TAOK3: variants seen among roughly 807,000 people sequenced by gnomAD.
TAOK3 encodes the protein TAO kinase 3, also known as serine/threonine-protein kinase TAO3.
Under a neutral mutation model 120.4 loss-of-function variants are expected in TAOK3, and 40 were observed. That is an observed-to-expected ratio of 0.33 (90% CI 0.26 to 0.43). The LOEUF is 0.43. Among genes scored for constraint, TAOK3 ranks in the 20% least tolerant of loss-of-function variants. The probability of loss-of-function intolerance (pLI) is 1.00; values close to 1 mark genes in which losing one functional copy is unlikely to be tolerated. For synonymous variants in TAOK3, 355 were observed against 387.5 expected (o/e 0.92, Z 0.99); for missense variants, 821 against 1,112.1 (o/e 0.74, Z 3.72).
chr12:118,276,014 G>T (rs958602141), intron 1 of TAOK3, among the ~76,000 whole-genome samples: 1 of 152,174 alleles, frequency 6.6e-6, no homozygotes, highest in African/African-American at 2.4e-5. Flanking sequence ...GATGTAGTAG[G>T]AGAAGAGATA....
chr12:118,195,450 T>A (rs1403477597), intron 13 of TAOK3, among the ~76,000 whole-genome samples: 1 of 152,156 alleles, frequency 6.6e-6, no homozygotes, highest in Non-Finnish European at 1.5e-5. Context: ...AAGGAAACAA[T>A]CTGGATTAAA....
At chr12:118,270,560 A>G (rs555997456) in intron 1 of TAOK3, among the ~76,000 whole-genome samples, 4 of 151,718 alleles carry the variant, frequency 2.6e-5, no homozygotes, top group African/African-American at 9.7e-5. Flanking sequence ...ATTCAGTTAC[A>G]TTTGTATATA....
At chr12:118,329,480 G>T (rs1292065187) in intron 1 of TAOK3, among the ~76,000 whole-genome samples, 1 of 152,052 alleles carries the variant, frequency 6.6e-6, no homozygotes, top group Non-Finnish European at 1.5e-5. Flanking sequence ...TGGAGAAAAG[G>T]AATAATTTAT....
At chr12:118,210,470 A>C (rs1187829291) in intron 11 of TAOK3, among the ~76,000 whole-genome samples, 2 of 152,108 alleles carry the variant, frequency 1.3e-5, no homozygotes, top group Non-Finnish European at 2.9e-5. Context: ...TTTCCACCCC[A>C]AAATAAACTT....
Position 118,372,447 on chromosome 12 carries a change from C to T in TAOK3, c.-194+201G>A, listed in dbSNP as rs2045929451. 6.6e-6 allele frequency among the ~76,000 whole-genome samples: 1 copy of T among 151,500 alleles called. No homozygotes were observed. Among genetic ancestry groups the T allele is most frequent in the African/African-American group, 2.4e-5 (1 of 41,198 alleles). The stretch of plus-strand genomic sequence containing the variant: ...CTCCCCTCAGACTTTCAGTCTTGGA[C>T]CCTCTCGGAGTCCTCTCCACTCAGA... On this transcript the variant is annotated intron_variant, in intron 1 of 20. Transcript: ENST00000392533. The surrounding 1 kb of genome is among the most constrained non-coding windows in gnomAD (Gnocchi z 4.6).
At chr12:118,270,760 C>A (rs906951273) in intron 1 of TAOK3, among the ~76,000 whole-genome samples, 8 of 151,432 alleles carry the variant, frequency 5.3e-5, no homozygotes, top group Non-Finnish European at 7.4e-5. Context: ...CTGCAAGCTC[C>A]GCCTCCCGGG....
At chr12:118,257,624 A>G (rs1172283387) in intron 2 of TAOK3, among the ~76,000 whole-genome samples, 1 of 152,038 alleles carries the variant, frequency 6.6e-6, no homozygotes, top group South Asian at 2.1e-4. Context: ...CAATAAAACT[A>G]TTTTTCAAAA....
At chr12:118,246,385 C>T in intron 3 of TAOK3, 1 of 1,580,360 alleles carries the variant, frequency 6.3e-7, no homozygotes, top group Non-Finnish European at 8.6e-7. Context: ...CTGGGGGCCT[C>T]TCTCAAGGAT....
At chr12:118,335,471 G>C (rs60917706) in intron 1 of TAOK3, among the ~76,000 whole-genome samples, 214 of 152,172 alleles carry the variant, frequency 1.4e-3, no homozygotes, top group African/African-American at 4.8e-3. Context: ...GTAATGAAAA[G>C]CCTCCTGGAA....
chr12:118,322,931 T>C (rs112275500), intron 1 of TAOK3, among the ~76,000 whole-genome samples: 2,137 of 151,804 alleles, frequency 0.014, 39 homozygotes, highest in African/African-American at 0.048. Context: ...AGGCTGGTCT[T>C]GAACTCTTGA....
chr12:118,273,582 AG>A (rs2041801207), intron 1 of TAOK3, among the ~76,000 whole-genome samples: 1 of 152,198 alleles, frequency 6.6e-6, no homozygotes. Flanking sequence ...TGGGAGGCTG[AG>A]GCAGGTAGAT....
intron 1 of TAOK3, among the ~76,000 whole-genome samples, chr12:118,272,782 G>A (rs2041763400): frequency 6.6e-6 from 1 of 151,842 alleles, no homozygotes; most frequent in African/African-American, 2.4e-5. Context: ...AACAGCCTGG[G>A]TAACACAGTG....
At chr12:118,181,139 C>T (rs137866450) in intron 15 of TAOK3, among the ~76,000 whole-genome samples, 15 of 152,342 alleles carry the variant, frequency 9.8e-5, no homozygotes, top group African/African-American at 3.6e-4. Flanking sequence ...GCCACCACGC[C>T]TGGCCTCAGA....
At chr12:118,332,534 T>C (rs2044195200) in intron 1 of TAOK3, among the ~76,000 whole-genome samples, 1 of 152,220 alleles carries the variant, frequency 6.6e-6, no homozygotes, top group African/African-American at 2.4e-5. Context: ...TGTACTTCTT[T>C]TTTATTATGA....
At chr12:118,338,961 C>T (rs1296728678) in intron 1 of TAOK3, among the ~76,000 whole-genome samples, 1 of 151,984 alleles carries the variant, frequency 6.6e-6, no homozygotes, top group African/African-American at 2.4e-5. Flanking sequence ...CATTCAAATG[C>T]ACAATGTGAT....
rs1171933364 is a variant in TAOK3 at position 118,161,309 on chromosome 12, A to G, written c.2139+479T>C. 1.3e-5 allele frequency among the ~76,000 whole-genome samples: 2 copies of G among 152,224 alleles called. No individual in the cohort carries two copies. Among genetic ancestry groups the G allele is most frequent in the Non-Finnish European group, 2.9e-5 (2 of 68,040 alleles). ...CTCCACATCTCTGCATCTCTAGTGC[A>G]GAAGTGGTAAATGCCTGGCACTTAT... On this transcript the variant is annotated intron_variant, in intron 18 of 20. Coordinates refer to ENST00000392533, the MANE Select transcript of TAOK3 (RefSeq NM_016281.4). This position sits in a 1 kb window ranked among gnomAD's most constrained non-coding sequence, Gnocchi z 4.5.
chr12:118,208,695 ATTTC>A (rs2038464289), intron 11 of TAOK3, among the ~76,000 whole-genome samples: 1 of 151,970 alleles, frequency 6.6e-6, no homozygotes, highest in Admixed American at 6.6e-5. Context: ...ACTTCTAGGA[ATTTC>A]TTTATTTTAT....
At chr12:118,356,381 C>T (rs774729234) in intron 1 of TAOK3, among the ~76,000 whole-genome samples, 1 of 148,364 alleles carries the variant, frequency 6.7e-6, no homozygotes, top group Non-Finnish European at 1.5e-5. Context: ...CTCACCGCAA[C>T]CTCCGCCTCC....
intron 9 of TAOK3, among the ~76,000 whole-genome samples, chr12:118,232,913 T>A (rs532823387): frequency 1.8e-4 from 27 of 151,916 alleles, no homozygotes; most frequent in Non-Finnish European, 2.6e-4. Flanking sequence ...TCAAAAAAAA[T>A]AAATAAATAA....
Sources: gnomAD v4.1 joint callset for allele counts (sites outside exome capture counted in the v4.1 genomes callset) on GRCh38, gnomAD v4.1.1 for gene constraint, Gnocchi (gnomAD v3.1) non-coding constraint, MANE v1.5 for transcripts, NCBI Gene and HGNC (gene_info 2026-07-23, HGNC 2026-07-21) for gene names.